The following SCARA5 variants were observed in gnomAD, a reference collection of about 807,000 sequenced individuals.
SCARA5 encodes scavenger receptor class A, member 5 (putative).
A neutral mutation model predicts 46.3 loss-of-function variants in SCARA5; 45 were observed. The observed-to-expected ratio is 0.97, with a 90% CI of 0.76 to 1.24. SCARA5 has a LOEUF of 1.24. SCARA5 is among the 50% of genes most tolerant of loss of function. SCARA5 has a pLI of 0.00. For missense variants in SCARA5, 680 were observed against 689.0 expected (o/e 0.99, Z 0.15); for synonymous variants, 333 against 306.5 (o/e 1.09, Z -0.90).
intron 3 of SCARA5, among the ~76,000 whole-genome samples, chr8:27,928,317 T>C (rs887467583): frequency 1.3e-5 from 2 of 152,234 alleles, no homozygotes; most frequent in Non-Finnish European, 2.9e-5. Context: ...TCTTCAACTT[T>C]TATACTTTCA....
In SCARA5 at chr8:27,923,399, C is replaced by T. The variant is rs562241611; in HGVS notation, c.242-1154G>A. Among the ~76,000 whole-genome samples, 46 of 152,302 alleles carry T rather than the reference C, an allele frequency of 3.0e-4. 1 individual carries two copies. The Middle Eastern group carries it at 0.014, about 45-fold the overall frequency. On this transcript the variant is annotated intron_variant, in intron 3 of 8. Coordinates refer to ENST00000354914, the MANE Select transcript of SCARA5 (RefSeq NM_173833.6). ...CAGGGGCAACATGAGAAGAAACTGA[C>T]GTGAAATTATCAAGCTTTCCATTCT...
chr8:27,904,622 G>C, intron 7 of SCARA5, 156 bp downstream of exon 7: 1 of 752,324 alleles, frequency 1.3e-6, no homozygotes, highest in Non-Finnish European at 2.4e-6. Flanking sequence ...TCTCTTGCTA[G>C]ACCAGCAGAG....
At chr8:27,966,663 C>T (rs183096106) in intron 2 of SCARA5, 121 bp from the exon 3 acceptor site, 1 of 1,096,402 alleles carries the variant, frequency 9.1e-7, no homozygotes, top group East Asian at 2.6e-5. Flanking sequence ...CTTCTCACAT[C>T]CCTTTTGCAT....
intron 3 of SCARA5, among the ~76,000 whole-genome samples, chr8:27,942,108 T>C (rs527761527): frequency 6.6e-6 from 1 of 151,890 alleles, no homozygotes; most frequent in South Asian, 2.1e-4. Context: ...GGATTACAGG[T>C]GTGAGCCACT....
intron 7 of SCARA5, among the ~76,000 whole-genome samples, chr8:27,897,504 C>T (rs922601223): frequency 1.3e-5 from 2 of 152,256 alleles, no homozygotes; most frequent in African/African-American, 4.8e-5. Flanking sequence ...ATAGATGATT[C>T]CGTGTTCACC....
chr8:27,989,129 C>CTTTTTTTTT (rs34929623), intron 1 of SCARA5, among the ~76,000 whole-genome samples: 121 of 68,326 alleles, frequency 1.8e-3, no homozygotes, highest in African/African-American at 2.0e-3. Context: ...TTCTTTCTTT[C>CTTTTTTTTT]TTTTTTTTTT....
intron 8 of SCARA5, among the ~76,000 whole-genome samples, chr8:27,879,070 C>A (rs1221554899): frequency 6.6e-6 from 1 of 152,220 alleles, no homozygotes; most frequent in African/African-American, 2.4e-5. Context: ...GATGACAGAA[C>A]AAGATCCTGT....
At position 27,870,720 on chromosome 8, in the gene SCARA5, G is replaced by A. The variant is rs1467137863; in HGVS notation, c.*1214C>T. On this transcript the variant is annotated 3_prime_UTR_variant, in exon 9 of 9. Transcript: ENST00000354914. ...AGGAGGGTGCAGATTGCAGATTTAT[G>A]GAGGCCCAAGGCCCCTTATTCCTAC... 2 of 152,200 alleles carry A rather than the reference G, an allele frequency of 1.3e-5. No individual in the cohort carries two copies. The highest frequency in any genetic ancestry group is 2.9e-5 in the Non-Finnish European group (2 of 68,088). The allele number at this position is 152,200 out of a possible 1,614,324, so 9.4% of individuals were successfully genotyped here. A position where few individuals can be genotyped will look rare whatever the true frequency, so the allele number is the denominator to read the frequency against.
At chr8:27,960,042 G>A (rs1035514086) in intron 3 of SCARA5, among the ~76,000 whole-genome samples, 2 of 152,222 alleles carry the variant, frequency 1.3e-5, no homozygotes, top group Non-Finnish European at 2.9e-5. Context: ...GACACGTACT[G>A]CACTGAGCCT....
At chr8:27,932,986 T>C (rs1447586270) in intron 3 of SCARA5, among the ~76,000 whole-genome samples, 1 of 152,246 alleles carries the variant, frequency 6.6e-6, no homozygotes, top group Non-Finnish European at 1.5e-5. Flanking sequence ...CCCTCCCTTA[T>C]GACCTACTTT....
chr8:27,871,542 A>T lies in SCARA5; in HGVS notation c.*392T>A. 4 of 1,061,314 alleles carry T rather than the reference A, an allele frequency of 3.8e-6. No individual in the cohort carries two copies. Among genetic ancestry groups the T allele is most frequent in the Non-Finnish European group, 4.6e-6 (4 of 875,862 alleles). The allele number at this position is 1,061,314 out of a possible 1,614,324, so 65.7% of individuals were successfully genotyped here. ...GAATTGTCTGAAGAGTAAATGATCT[A>T]TACTACCAACCATCGCTGCTGCTGC... On this transcript the variant is annotated 3_prime_UTR_variant, in exon 9 of 9. Coordinates refer to ENST00000354914, the MANE Select transcript of SCARA5 (RefSeq NM_173833.6).
intron 2 of SCARA5, among the ~76,000 whole-genome samples, chr8:27,980,841 C>G (rs1808603733): frequency 6.6e-6 from 1 of 152,174 alleles, no homozygotes; most frequent in African/African-American, 2.4e-5. Context: ...CCTGGAGTAT[C>G]TAGGCCTCAT....
intron 3 of SCARA5, among the ~76,000 whole-genome samples, chr8:27,945,931 C>T (rs923233552): frequency 6.6e-5 from 10 of 152,320 alleles, no homozygotes; most frequent in Middle Eastern, 3.4e-3. Context: ...CCGTGGTGAA[C>T]GCTAGTGTGT....
intron 1 of SCARA5, among the ~76,000 whole-genome samples, chr8:27,989,638 C>T (rs116418254): frequency 2.6e-5 from 4 of 152,326 alleles, no homozygotes; most frequent in African/African-American, 4.8e-5. Context: ...CCAGTATCTG[C>T]GGGCCTCTCC....
At chr8:27,879,140 G>C (rs1351704361) in intron 8 of SCARA5, among the ~76,000 whole-genome samples, 3 of 152,170 alleles carry the variant, frequency 2.0e-5, no homozygotes, top group African/African-American at 4.8e-5. Flanking sequence ...GTGCTGTAAA[G>C]ATGAAATGGG....
intron 3 of SCARA5, among the ~76,000 whole-genome samples, chr8:27,961,471 T>G (rs1199775572): frequency 6.6e-6 from 1 of 152,208 alleles, no homozygotes; most frequent in Non-Finnish European, 1.5e-5. Context: ...TACGAAACCA[T>G]GAGCCAAATA....
At chr8:27,930,038 T>TC (rs966850334) in intron 3 of SCARA5, among the ~76,000 whole-genome samples, 5 of 151,804 alleles carry the variant, frequency 3.3e-5, no homozygotes, top group African/African-American at 9.7e-5. Context: ...CATGGTATGG[T>TC]CCCCCCCAGT....
At chr8:27,989,578 C>T (rs1447623047) in intron 1 of SCARA5, among the ~76,000 whole-genome samples, 1 of 152,192 alleles carries the variant, frequency 6.6e-6, no homozygotes, top group Non-Finnish European at 1.5e-5. Flanking sequence ...TCTGTACATC[C>T]CCCATAACGG....
At chr8:27,901,928 C>T (rs1807161681) in intron 7 of SCARA5, among the ~76,000 whole-genome samples, 1 of 152,180 alleles carries the variant, frequency 6.6e-6, no homozygotes. Flanking sequence ...GTCCGTCCTC[C>T]CCTATGGGCC....
Sources: gnomAD v4.1 joint callset for allele counts (sites outside exome capture counted in the v4.1 genomes callset) on GRCh38, gnomAD v4.1.1 for gene constraint, MANE v1.5 for transcripts, NCBI Gene and HGNC (gene_info 2026-07-23, HGNC 2026-07-21) for gene names.